The following RNF144A variants were observed in gnomAD, a reference collection of about 807,000 sequenced individuals.
RNF144A encodes ring finger protein 144A, also known as E3 ubiquitin-protein ligase RNF144A.
RNF144A carries 11 observed loss-of-function variants against 38.7 expected under a neutral mutation model. That is an observed-to-expected ratio of 0.28 (90% CI 0.18 to 0.47). The LOEUF is 0.47. Ranked by LOEUF, RNF144A falls within the 20% of genes least tolerant of loss-of-function variation. The probability of loss-of-function intolerance (pLI) is 0.99; values close to 1 mark genes in which losing one functional copy is unlikely to be tolerated. For missense variants in RNF144A, 316 were observed against 377.2 expected (o/e 0.84, Z 1.34); for synonymous variants, 149 against 143.9 (o/e 1.04, Z -0.25).
chr2:6,924,486 G>A (rs1304694653), intron 1 of RNF144A, among the ~76,000 whole-genome samples: 1 of 152,246 alleles, frequency 6.6e-6, no homozygotes, highest in African/African-American at 2.4e-5. Flanking sequence ...GGTGGGCTTT[G>A]GAGAGCTGGG....
At chr2:6,967,186 C>T (rs1456011814) in intron 2 of RNF144A, among the ~76,000 whole-genome samples, 1 of 152,198 alleles carries the variant, frequency 6.6e-6, no homozygotes, top group African/African-American at 2.4e-5. Context: ...TCAGTTCGTA[C>T]ATGTGTGATA....
At chr2:7,071,879 T>G (rs1296349571), downstream of RNF144A, among the ~76,000 whole-genome samples, 1 of 152,218 alleles carries the variant, frequency 6.6e-6, no homozygotes. Context: ...CCACTTCACT[T>G]GAAGGCCTTA....
At chr2:6,924,407 A>G (rs924770275) in intron 1 of RNF144A, among the ~76,000 whole-genome samples, 7 of 152,258 alleles carry the variant, frequency 4.6e-5, no homozygotes. Context: ...AAGCGCCTGA[A>G]TGTGCCCATC....
chr2:7,058,278 C>G (rs968495746), intron 6 of RNF144A, among the ~76,000 whole-genome samples: 1 of 145,584 alleles, frequency 6.9e-6, no homozygotes, highest in Non-Finnish European at 1.5e-5. Context: ...CCCCAAGCCA[C>G]GAGGGTAACA....
At chr2:6,988,619 A>G (rs370388037) in intron 2 of RNF144A, among the ~76,000 whole-genome samples, 3 of 152,282 alleles carry the variant, frequency 2.0e-5, no homozygotes, top group Middle Eastern at 3.4e-3. Context: ...CGTCAACACC[A>G]TCCATGTGTA....
At chr2:7,002,355 G>A (rs529653755) in intron 3 of RNF144A, among the ~76,000 whole-genome samples, 14 of 152,326 alleles carry the variant, frequency 9.2e-5, no homozygotes, top group African/African-American at 3.4e-4. Flanking sequence ...TTAGATGCAG[G>A]TGTGGGCTGC....
chr2:6,987,577 C>T (rs1356993969), intron 2 of RNF144A, among the ~76,000 whole-genome samples: 1 of 152,214 alleles, frequency 6.6e-6, no homozygotes, highest in African/African-American at 2.4e-5. Context: ...ATTATGGATG[C>T]TGTCCTCTGC....
At chr2:7,032,350 C>CCGCGCCCCTTGCAGCTCTGCTCGAATG (rs1672367833) in intron 8 of RNF144A, among the ~76,000 whole-genome samples, 1 of 149,602 alleles carries the variant, frequency 6.7e-6, no homozygotes, top group South Asian at 2.1e-4. Context: ...CTGCTGGAAT[C>CCGCGCCCCTTGCAGCTCTGCTCGAATG]CGCGCCCCTT....
chr2:7,012,137 G>GAGA (rs1187234234), intron 3 of RNF144A, among the ~76,000 whole-genome samples: 1 of 152,160 alleles, frequency 6.6e-6, no homozygotes, highest in Non-Finnish European at 1.5e-5. Context: ...GTATCCTCCA[G>GAGA]AGACCCCATT....
chr2:7,074,413 A>G, the RNF144A span: 1 of 152,190 alleles, frequency 6.6e-6, no homozygotes, highest in Non-Finnish European at 1.5e-5. Context: ...ATCTTAATAT[A>G]CAATCATGCA....
intron 8 of RNF144A, among the ~76,000 whole-genome samples, chr2:7,032,318 G>C (rs868391871): frequency 1.4e-5 from 2 of 144,068 alleles, no homozygotes; most frequent in Non-Finnish European, 3.0e-5. Flanking sequence ...CAGCTCTGCT[G>C]GAATCCGCGC....
intron 2 of RNF144A, among the ~76,000 whole-genome samples, chr2:6,978,200 TTA>T (rs746577429): frequency 6.6e-6 from 1 of 152,152 alleles, no homozygotes; most frequent in Admixed American, 6.5e-5. Context: ...TAACAGGACT[TTA>T]TGTGTCAGAG....
intron 2 of RNF144A, among the ~76,000 whole-genome samples, chr2:6,973,114 A>C (rs942844454): frequency 7.2e-5 from 11 of 152,236 alleles, no homozygotes; most frequent in Non-Finnish European, 8.8e-5. Flanking sequence ...TAAATGAGGC[A>C]ATATACAACT....
Position 7,024,439 on chromosome 2 carries a change from C to T in RNF144A, c.580C>T (p.Arg194Ter), listed in dbSNP as rs1472501170. 2 of 1,613,100 alleles carry T rather than the reference C, an allele frequency of 1.2e-6. No individual in the cohort carries two copies. Among genetic ancestry groups the T allele is most frequent in the East Asian group, 2.2e-5 (1 of 44,854 alleles). The change falls in exon 7 of 9, where the codon CGA (arginine) becomes TGA (stop). Residue 194 changes from arginine to a stop codon, truncating the protein, a stop_gained. Transcript: ENST00000320892. LOFTEE classifies it high-confidence loss of function. ...CCCCAAGTGCAAAGTCTACATCGAG[C>T]GAGACGAAGGCTGCGCGCAGATGAT... Reference protein sequence around the residue: ...RCPKCKVYIERDEGCAQMMCK... With the variant: ...RCPKCKVYIE
chr2:7,036,419 A>G (rs1338721531), intron 8 of RNF144A, among the ~76,000 whole-genome samples: 1 of 152,220 alleles, frequency 6.6e-6, no homozygotes, highest in African/African-American at 2.4e-5. Context: ...GGAGGGGTGC[A>G]CAGTGATAGT....
chr2:7,075,281 TC>T, the RNF144A span, among the ~76,000 whole-genome samples: 2,130 of 144,412 alleles, frequency 0.015, 47 homozygotes, highest in African/African-American at 0.049. Context: ...AGCTGGAACA[TC>T]CCCCCCCCCA....
At position 6,996,988 on chromosome 2, in the gene RNF144A, A is replaced by G; in HGVS notation, c.62A>G (p.Lys21Arg). 1 of 1,614,168 alleles carries G rather than the reference A, an allele frequency of 6.2e-7. No individual in the cohort carries two copies. The highest frequency in any genetic ancestry group is 1.7e-5 in the Admixed American group (1 of 60,022). ...DLALDPLVSC[K>R]LCLGEYPVEQ... Reference sequence around the variant, plus strand: ...GCCCTCGACCCGCTGGTGTCTTGCAAGCTCTGTCTTGGGGAGTACCCAGTG... The same window carrying G: ...GCCCTCGACCCGCTGGTGTCTTGCAGGCTCTGTCTTGGGGAGTACCCAGTG... Residue 21 changes from lysine to arginine, a missense_variant, in exon 3 of 9, where the codon AAG becomes AGG. By Grantham distance (26) the Lys-to-Arg change is conservative. Coordinates refer to ENST00000320892, the MANE Select transcript of RNF144A (RefSeq NM_014746.6).
rs1029474434 is a variant in RNF144A, at chr2:7,049,590, G to A, written c.735-18626G>A. ...TCAACGACACGAAAATGAGGTTGCA[G>A]TCAGAGTGGATCTTTTTCTCATTTC... On this transcript the variant is annotated intron_variant, in intron 6 of 6. Coordinates refer to the RNF144A transcript ENST00000432850. Among the ~76,000 whole-genome samples, 15 of 152,238 alleles carry A rather than the reference G, an allele frequency of 9.9e-5. No homozygotes were observed. In the South Asian group the frequency reaches 1.7e-3, roughly 17 times the overall value.
intron 5 of RNF144A, among the ~76,000 whole-genome samples, chr2:7,017,253 C>T (rs991234337): frequency 6.6e-6 from 1 of 152,008 alleles, no homozygotes; most frequent in African/African-American, 2.4e-5. Context: ...CCCATGCCAG[C>T]CCAGTGCCTG....
Sources: gnomAD v4.1 joint callset for allele counts (sites outside exome capture counted in the v4.1 genomes callset) on GRCh38, gnomAD v4.1.1 for gene constraint, MANE v1.5 for transcripts, NCBI Gene and HGNC (gene_info 2026-07-23, HGNC 2026-07-21) for gene names.